RYR3: variants seen among roughly 807,000 people sequenced by gnomAD.
RYR3 encodes the protein brain ryanodine receptor-calcium release channel.
In RYR3, 207 loss-of-function variants were observed where a neutral mutation model predicts 584.3. The ratio of observed to expected loss-of-function variants is 0.35; its 90% CI spans 0.32 to 0.40. The LOEUF is 0.40. Among genes scored for constraint, RYR3 ranks in the 10% least tolerant of loss-of-function variants. The pLI is 1.00. For missense variants in RYR3, 5,616 were observed against 6,089.2 expected, an observed-to-expected ratio of 0.92 and a Z score of 2.59; for synonymous variants, 2,416 against 2,248.5, an observed-to-expected ratio of 1.07 and a Z score of -2.11.
At chr15:33,426,365 A>C (rs982834922) in intron 1 of RYR3, among the ~76,000 whole-genome samples, 15 of 152,160 alleles carry the variant, frequency 9.9e-5, no homozygotes, top group African/African-American at 3.6e-4. Flanking sequence ...TCCAGATTTC[A>C]GATGATGTTG....
At chr15:33,854,985 C>T (rs1009917967) in intron 98 of RYR3, 73 bp downstream of exon 98, 32 of 1,336,354 alleles carry the variant, frequency 2.4e-5, no homozygotes, top group Non-Finnish European at 3.2e-5. Flanking sequence ...AGGTAGTATA[C>T]AGTATATGAC....
intron 1 of RYR3, among the ~76,000 whole-genome samples, chr15:33,423,908 C>A (rs944754528): frequency 2.6e-5 from 4 of 152,102 alleles, no homozygotes. Context: ...AGTAAGAAAA[C>A]CCGTTGCTCT....
At chr15:33,464,464 A>AT (rs2048290146) in intron 1 of RYR3, among the ~76,000 whole-genome samples, 1 of 50,566 alleles carries the variant, frequency 2.0e-5, no homozygotes, top group Non-Finnish European at 3.4e-5. Context: ...GGAGGTGGAG[A>AT]TATATATATA....
chr15:33,508,052 A>C (rs758943709), intron 3 of RYR3, among the ~76,000 whole-genome samples: 13 of 152,202 alleles, frequency 8.5e-5, no homozygotes, highest in Non-Finnish European at 1.5e-4. Context: ...GGGTTCTGAC[A>C]TGAACTGGCA....
At chr15:33,316,754 A>G (rs1006403752) in intron 1 of RYR3, among the ~76,000 whole-genome samples, 1 of 152,200 alleles carries the variant, frequency 6.6e-6, no homozygotes, top group African/African-American at 2.4e-5. Flanking sequence ...GTTTCATAGG[A>G]TATTATCATT....
chr15:33,389,516 T>C (rs1469613556), intron 1 of RYR3, among the ~76,000 whole-genome samples: 1 of 152,172 alleles, frequency 6.6e-6, no homozygotes, highest in Admixed American at 6.5e-5. Context: ...TTTGTAACAA[T>C]GGGTATCGAT....
chr15:33,642,306 G>C (rs1049817911), intron 27 of RYR3, among the ~76,000 whole-genome samples: 2 of 152,174 alleles, frequency 1.3e-5, no homozygotes, highest in Non-Finnish European at 2.9e-5. Context: ...GGAATAGAGA[G>C]GTTTTCTTAA....
At chr15:33,679,268 A>G (rs2064414114) in intron 38 of RYR3, among the ~76,000 whole-genome samples, 1 of 152,078 alleles carries the variant, frequency 6.6e-6, no homozygotes, top group Non-Finnish European at 1.5e-5. Flanking sequence ...AGTCATCAAA[A>G]AGGCCATCAA....
At chr15:33,713,718 T>G (rs1435021344) in intron 43 of RYR3, among the ~76,000 whole-genome samples, 1 of 152,184 alleles carries the variant, frequency 6.6e-6, no homozygotes, top group African/African-American at 2.4e-5. Context: ...CTCTTACACT[T>G]CTGAAAGCTG....
chr15:33,390,131 A>C lies in RYR3; in HGVS notation c.51+79035A>C, dbSNP rs2041897408. Among the ~76,000 whole-genome samples the C allele has an allele frequency of 6.6e-6, 1 of 152,192 alleles. No individual in the cohort carries two copies. Among genetic ancestry groups the C allele is most frequent in the African/African-American group, 2.4e-5 (1 of 41,450 alleles). On this transcript the variant is annotated intron_variant, in intron 1 of 103. Coordinates refer to ENST00000634891, the MANE Select transcript of RYR3 (RefSeq NM_001036.6). This position sits in a 1 kb window ranked among gnomAD's most constrained non-coding sequence, Gnocchi z 4.2. ...ATTGGCTTCACTGCTGGAAATCTGT[A>C]CTGTTATTCCAAGCAGAGTCTCGCT...
chr15:33,736,208 A>G (rs1219798981), intron 48 of RYR3, 27 bp from the exon 49 acceptor site: 1 of 1,397,492 alleles, frequency 7.2e-7, no homozygotes, highest in Non-Finnish European at 1.0e-6. Flanking sequence ...CATTTTATTT[A>G]TCTACGTTTG....
chr15:33,497,734 A>C (rs938154488), intron 2 of RYR3, among the ~76,000 whole-genome samples: 1 of 152,202 alleles, frequency 6.6e-6, no homozygotes, highest in African/African-American at 2.4e-5. Flanking sequence ...AACATTCAAA[A>C]TCTGCTCTTG....
chr15:33,731,626 A>T lies in RYR3; in HGVS notation c.7356A>T (p.Leu2452=), dbSNP rs2068960510. 6.2e-7 allele frequency: 1 copy of T among 1,613,824 alleles called. No homozygotes were observed. Among genetic ancestry groups the T allele is most frequent in the African/African-American group, 1.3e-5 (1 of 74,944 alleles). ...CCACACTGCAGACAATATACAGGCT[A>T]TCCAAGGGACGTTCCCTCACCAAAG... ...IDSTLQTIYR[L]SKGRSLTKAQ... The change falls in exon 48 of 104, where the codon CTA becomes CTT. Residue 2452 remains leucine, a synonymous_variant. Transcript: ENST00000634891.
At chr15:33,694,156 T>TA (rs2065654326) in intron 38 of RYR3, among the ~76,000 whole-genome samples, 1 of 118,112 alleles carries the variant, frequency 8.5e-6, no homozygotes, top group Non-Finnish European at 2.1e-5. Context: ...CCTAATATCA[T>TA]GGAAAAAAAA....
intron 10 of RYR3, among the ~76,000 whole-genome samples, chr15:33,562,060 G>A (rs1413624555): frequency 6.6e-6 from 1 of 152,172 alleles, no homozygotes; most frequent in Non-Finnish European, 1.5e-5. Context: ...TAACCATTCA[G>A]AATAGAACCA....
At chr15:33,735,402 A>G (rs2069359440) in intron 48 of RYR3, among the ~76,000 whole-genome samples, 1 of 152,212 alleles carries the variant, frequency 6.6e-6, no homozygotes, top group Non-Finnish European at 1.5e-5. Flanking sequence ...AGATGCTCCA[A>G]GGATTTCTTC....
intron 1 of RYR3, among the ~76,000 whole-genome samples, chr15:33,443,718 G>A (rs762576739): frequency 2.0e-5 from 3 of 152,134 alleles, no homozygotes; most frequent in Non-Finnish European, 4.4e-5. Flanking sequence ...AAATAAATGG[G>A]CCCACTTTGC....
intron 1 of RYR3, among the ~76,000 whole-genome samples, chr15:33,402,399 A>G (rs907819198): frequency 7.9e-5 from 12 of 152,202 alleles, no homozygotes; most frequent in Admixed American, 3.3e-4. Flanking sequence ...TCTCTCCCCA[A>G]ATACTTGAGG....
intron 8 of RYR3, 27 bp from the exon 9 acceptor site, chr15:33,548,103 G>A (rs10519827): frequency 0.095 from 148,518 of 1,561,992 alleles, 7,797 homozygotes; most frequent in Middle Eastern, 0.15. Context: ...CATGCAAGTA[G>A]GAGCTGATCT....
Sources: gnomAD v4.1 joint callset for allele counts (sites outside exome capture counted in the v4.1 genomes callset) on GRCh38, gnomAD v4.1.1 for gene constraint, Gnocchi (gnomAD v3.1) non-coding constraint, MANE v1.5 for transcripts, NCBI Gene and HGNC (gene_info 2026-07-23, HGNC 2026-07-21) for gene names.